Variants in TJP1 observed in about 807,000 individuals in gnomAD.
The protein encoded by TJP1 is tight junction protein 1.
TJP1 carries 43 observed loss-of-function variants against 194.2 expected under a neutral mutation model. The ratio of observed to expected loss-of-function variants is 0.22; its 90% CI spans 0.17 to 0.29. The LOEUF is 0.29. Among genes scored for constraint, TJP1 ranks in the 10% least tolerant of loss-of-function variants. The probability of loss-of-function intolerance (pLI) is 1.00; values close to 1 mark genes in which losing one functional copy is unlikely to be tolerated. For synonymous variants in TJP1, 801 were observed against 779.0 expected, an observed-to-expected ratio of 1.03 and a Z score of -0.47; for missense variants, 1,971 against 2,185.7, an observed-to-expected ratio of 0.90 and a Z score of 1.96.
At chr15:29,854,085 A>G (rs545879722) in intron 2 of TJP1, among the ~76,000 whole-genome samples, 42 of 152,312 alleles carry the variant, frequency 2.8e-4, no homozygotes, top group African/African-American at 1.0e-3. Context: ...TTGCCATGTT[A>G]TTTCCAAAGA....
At chr15:29,956,222 G>T (rs2055935807) in intron 2 of TJP1, 3 of 1,279,354 alleles carry the variant, frequency 2.3e-6, no homozygotes, top group Non-Finnish European at 3.0e-6. Context: ...GCATTGATCA[G>T]TCCACTTACA....
At chr15:29,729,236 G>A (rs2043439419) in intron 15 of TJP1, 1 of 152,064 alleles carries the variant, frequency 6.6e-6, no homozygotes, top group South Asian at 2.1e-4. Context: ...GGAGGCGGAG[G>A]TTGCAGTGAG....
chr15:29,949,467 C>G (rs1403654240), intron 2 of TJP1, among the ~76,000 whole-genome samples: 1 of 124,974 alleles, frequency 8.0e-6, no homozygotes. Flanking sequence ...ACTTCCACCA[C>G]CACCACCTCC....
intron 8 of TJP1, among the ~76,000 whole-genome samples, chr15:29,754,820 T>C (rs2045539720): frequency 6.6e-6 from 1 of 152,192 alleles, no homozygotes; most frequent in African/African-American, 2.4e-5. Flanking sequence ...TTGGAGCATT[T>C]TGGATTTTGC....
chr15:29,938,943 G>A (rs2054974265), intron 2 of TJP1, among the ~76,000 whole-genome samples: 3 of 152,230 alleles, frequency 2.0e-5, no homozygotes, highest in Non-Finnish European at 4.4e-5. Context: ...TTGCCCTGGG[G>A]CATAAGGGAG....
At chr15:29,905,774 G>A (rs2053787613) in intron 2 of TJP1, among the ~76,000 whole-genome samples, 1 of 152,168 alleles carries the variant, frequency 6.6e-6, no homozygotes, top group Admixed American at 6.5e-5. Flanking sequence ...TGAAAAGGCT[G>A]GATATTGTAT....
chr15:29,918,320 C>G (rs933880879), intron 2 of TJP1, among the ~76,000 whole-genome samples: 2 of 152,164 alleles, frequency 1.3e-5, no homozygotes, highest in African/African-American at 2.4e-5. Flanking sequence ...TATATCCCTG[C>G]TTTCTAGTGA....
chr15:29,719,960 T>C lies in TJP1; in HGVS notation c.2820A>G (p.Ser940=). The change falls in exon 20 of 28, where the codon TCA becomes TCG. Residue 940 remains serine, a synonymous_variant. Transcript: ENST00000614355. ...PYLSPETNPA[S]STSAVNHNVN... ...CATTATGATTAACAGCAGAGGTTGA[T>C]GATGCTGGGTTTGTTTCAGGCGAAA... is the stretch of plus-strand genomic sequence containing the variant. The C allele has an allele frequency of 6.2e-7, 1 of 1,614,170 alleles. No homozygotes were observed. Among genetic ancestry groups the C allele is most frequent in the Non-Finnish European group, 8.5e-7 (1 of 1,180,030 alleles).
Position 29,863,022 on chromosome 15 carries a change from C to T in TJP1, c.307-62320G>A, listed in dbSNP as rs538309946. ...AGAAATCTGATTGCTTGTCTGGGCACGGTGGCTCATGCCTATAATCCGAGC... is the reference window on the plus strand; with the variant it reads ...AGAAATCTGATTGCTTGTCTGGGCATGGTGGCTCATGCCTATAATCCGAGC... On this transcript the variant is annotated intron_variant, in intron 2 of 28. Transcript: ENST00000356107. Among the ~76,000 whole-genome samples, 30 of 151,380 alleles carry T rather than the reference C, an allele frequency of 2.0e-4. No individual in the cohort carries two copies. In the South Asian group the frequency reaches 5.1e-3, roughly 26 times the overall value.
At chr15:29,894,593 C>T (rs1335345069) in intron 2 of TJP1, among the ~76,000 whole-genome samples, 1 of 152,214 alleles carries the variant, frequency 6.6e-6, no homozygotes, top group Non-Finnish European at 1.5e-5. Context: ...CATGGCTTTG[C>T]TGAGCACAGC....
chr15:29,718,586 C>T lies in TJP1; in HGVS notation c.3556G>A (p.Ala1186Thr). 1.2e-6 allele frequency: 2 copies of T among 1,614,180 alleles called. No individual in the cohort carries two copies. Among genetic ancestry groups the T allele is most frequent in the Non-Finnish European group, 1.7e-6 (2 of 1,180,030 alleles). ...TGCTCAAAATACTGCTTGGACTCTGCAGGCTTGGGCCCTGCTGAAGGGTGG... is the reference window on the plus strand; with the variant it reads ...TGCTCAAAATACTGCTTGGACTCTGTAGGCTTGGGCCCTGCTGAAGGGTGG... The part of the protein sequence containing the change: ...QPHPSAGPKP[A>T]ESKQYFEQYS... Residue 1186 changes from alanine to threonine, a missense_variant, in exon 21 of 28, where the codon GCA (alanine) becomes ACA (threonine). Around this residue, in one of 5 missense-constraint regions of TJP1, gnomAD observed 1,108 missense variants for 1,128.5 expected, o/e 0.98. Transcript: ENST00000614355.
At chr15:29,744,684 C>G (rs1316972699) in intron 8 of TJP1, among the ~76,000 whole-genome samples, 1 of 152,002 alleles carries the variant, frequency 6.6e-6, no homozygotes, top group Non-Finnish European at 1.5e-5. Context: ...ATAAAAAGCT[C>G]TCTAATTCAC....
At chr15:29,739,305 GACTC>G (rs999687756) in intron 10 of TJP1, among the ~76,000 whole-genome samples, 4 of 152,172 alleles carry the variant, frequency 2.6e-5, no homozygotes, top group African/African-American at 9.7e-5. Flanking sequence ...TAGCAAAACA[GACTC>G]ACTAACTTCT....
intron 23 of TJP1, among the ~76,000 whole-genome samples, chr15:29,713,763 C>T (rs531707410): frequency 7.2e-5 from 11 of 152,290 alleles, no homozygotes; most frequent in African/African-American, 2.4e-4. Context: ...TTCTCCTTTC[C>T]ATTTCTCTAA....
chr15:29,817,927 T>C lies in TJP1; in HGVS notation c.27+4075A>G, dbSNP rs149680096. Among the ~76,000 whole-genome samples the C allele has an allele frequency of 3.0e-3, 450 of 151,794 alleles. 2 individuals are homozygous for C. Among genetic ancestry groups the C allele is most frequent in the African/African-American group, 0.011 (436 of 41,368 alleles). On this transcript the variant is annotated intron_variant, in intron 1 of 27. Transcript: ENST00000614355. ...GGGGCTTAAAACTTAGATGATGGGT[T>C]CATAGGTGCAGCAAACCACCATGGC...
intron 1 of TJP1, among the ~76,000 whole-genome samples, chr15:29,808,500 C>T (rs2049264515): frequency 6.6e-6 from 1 of 152,052 alleles, no homozygotes; most frequent in Non-Finnish European, 1.5e-5. Context: ...TTTAAAAATT[C>T]AAAATAAAGT....
chr15:29,927,336 G>T lies in TJP1; in HGVS notation c.306+28896C>A, dbSNP rs983117714. On this transcript the variant is annotated intron_variant, in intron 2 of 28. Coordinates refer to the TJP1 transcript ENST00000356107. The stretch of plus-strand genomic sequence containing the variant: ...CTCTGCCTCAAAAAAAGGAAGGAAA[G>T]AAAAATATGATAGAAATATATCCAA... Among the ~76,000 whole-genome samples, 3 of 151,854 alleles carry T rather than the reference G, an allele frequency of 2.0e-5. No individual in the cohort carries two copies. The East Asian group carries it at 5.8e-4, about 29-fold the overall frequency.
At chr15:29,860,609 T>C (rs755579449) in intron 2 of TJP1, among the ~76,000 whole-genome samples, 2 of 152,218 alleles carry the variant, frequency 1.3e-5, no homozygotes, top group African/African-American at 2.4e-5. Context: ...TAATACTTCA[T>C]TACTTTTTAT....
intron 2 of TJP1, among the ~76,000 whole-genome samples, chr15:29,917,074 T>C (rs2054211075): frequency 6.6e-6 from 1 of 152,200 alleles, no homozygotes; most frequent in Non-Finnish European, 1.5e-5. Flanking sequence ...ATTATTGTTG[T>C]TTTCTGCTTT....
Sources: allele counts gnomAD v4.1 joint callset (sites outside exome capture counted in the v4.1 genomes callset), GRCh38; gene constraint gnomAD v4.1.1; regional missense constraint gnomAD v4.1.1; transcripts MANE v1.5; gene names NCBI Gene and HGNC (gene_info 2026-07-23, HGNC 2026-07-21).